Variants in ELAVL2 observed in about 807,000 individuals in gnomAD.
The protein encoded by ELAVL2 is ELAV-like protein 2.
ELAVL2 carries 4 observed loss-of-function variants against 34.6 expected under a neutral mutation model. That is an observed-to-expected ratio of 0.12 (90% confidence interval 0.06 to 0.26). The LOEUF is 0.26. Ranked by LOEUF, ELAVL2 falls within the 10% of genes least tolerant of loss-of-function variation. ELAVL2 has a pLI of 1.00. For synonymous variants in ELAVL2, 193 were observed against 154.8 expected (o/e 1.25, Z -1.83); for missense variants, 432 against 442.8 (o/e 0.98, Z 0.22).
At chr9:23,742,512 A>C (rs140120865) in intron 2 of ELAVL2, among the ~76,000 whole-genome samples, 24 of 152,304 alleles carry the variant, frequency 1.6e-4, no homozygotes, top group African/African-American at 5.3e-4. Flanking sequence ...TTAAGAAGGG[A>C]ATATTGGGTA....
At chr9:23,733,035 T>C (rs1368069596) in intron 2 of ELAVL2, among the ~76,000 whole-genome samples, 4 of 152,078 alleles carry the variant, frequency 2.6e-5, no homozygotes, top group Non-Finnish European at 5.9e-5. Context: ...ACTGCTATTC[T>C]ATGACAAAAT....
chr9:23,816,304 T>C (rs1021015548), intron 1 of ELAVL2, among the ~76,000 whole-genome samples: 5 of 41,386 alleles, frequency 1.2e-4, no homozygotes, highest in Non-Finnish European at 1.8e-4. Context: ...AAGTGTGTAC[T>C]AAAAGCTTTC....
intron 3 of ELAVL2, among the ~76,000 whole-genome samples, chr9:23,714,466 G>T (rs1332353331): frequency 1.3e-5 from 2 of 152,160 alleles, no homozygotes; most frequent in African/African-American, 4.8e-5. Context: ...TGGATGGAGG[G>T]AACATAAGGA....
intron 1 of ELAVL2, among the ~76,000 whole-genome samples, chr9:23,785,084 T>C (rs2059523055): frequency 6.6e-6 from 1 of 152,224 alleles, no homozygotes; most frequent in African/African-American, 2.4e-5. Context: ...ATGCCTTTCC[T>C]TGGCAAAACA....
intron 3 of ELAVL2, among the ~76,000 whole-genome samples, chr9:23,717,742 T>G (rs375993707): frequency 6.6e-6 from 1 of 152,192 alleles, no homozygotes; most frequent in Non-Finnish European, 1.5e-5. Context: ...TCATATAAAC[T>G]AAGTGCTGTC....
At position 23,797,764 on chromosome 9, in the gene ELAVL2, G is replaced by C. The variant is rs550415479; in HGVS notation, c.-16+28042C>G. Among the ~76,000 whole-genome samples, 4 of 152,134 alleles carry C rather than the reference G, an allele frequency of 2.6e-5. No homozygotes were observed. The South Asian group carries it at 6.2e-4, about 24-fold the overall frequency. ...CCAACATGGAGAAAACCCCGCCTCT[G>C]CTAAAAATACAAAATTAGGTGGGCG... On this transcript the variant is annotated intron_variant, in intron 1 of 6. Transcript: ENST00000397312.
chr9:23,697,140 A>G (rs2035546179), intron 5 of ELAVL2, among the ~76,000 whole-genome samples: 1 of 152,108 alleles, frequency 6.6e-6, no homozygotes, highest in Non-Finnish European at 1.5e-5. Flanking sequence ...GATATGGAGG[A>G]TTAGACTGGA....
At chr9:23,748,252 GCT>G (rs1564250124) in intron 2 of ELAVL2, among the ~76,000 whole-genome samples, 2 of 152,048 alleles carry the variant, frequency 1.3e-5, no homozygotes, top group African/African-American at 2.4e-5. Context: ...CTAACTCGTC[GCT>G]CTTTGACTCT....
Position 23,712,367 on chromosome 9 carries a change from A to C in ELAVL2, c.334-7296T>G, listed in dbSNP as rs569524840. Among the ~76,000 whole-genome samples, 7 of 152,296 alleles carry C rather than the reference A, an allele frequency of 4.6e-5. No homozygotes were observed. In the South Asian group the frequency reaches 1.5e-3, roughly 32 times the overall value. Reference sequence around the variant, plus strand: ...TCAGACATTTCCAAGGAGACATCAGAAGAGCTATTCCTAGAAAATAAGAAC... The same window carrying C: ...TCAGACATTTCCAAGGAGACATCAGCAGAGCTATTCCTAGAAAATAAGAAC... On this transcript the variant is annotated intron_variant, in intron 3 of 6. Coordinates refer to ENST00000397312, the MANE Select transcript of ELAVL2 (RefSeq NM_004432.5).
the ELAVL2 span, among the ~76,000 whole-genome samples, chr9:23,841,715 G>A: frequency 6.6e-6 from 1 of 152,074 alleles, no homozygotes. Context: ...GAATCACTAT[G>A]TATCTATGTA....
intron 5 of ELAVL2, among the ~76,000 whole-genome samples, chr9:23,701,050 G>C (rs748304738): frequency 6.6e-6 from 1 of 152,106 alleles, no homozygotes; most frequent in African/African-American, 2.4e-5. Flanking sequence ...CCGACCTCTA[G>C]CATTACATGC....
chr9:23,831,095 A>G (rs945543804), upstream of ELAVL2, among the ~76,000 whole-genome samples: 10 of 152,254 alleles, frequency 6.6e-5, no homozygotes, highest in Admixed American at 2.0e-4. Context: ...GATAGTAATC[A>G]GTCTTTTCTC....
At chr9:23,702,919 T>G (rs2037793378) in intron 4 of ELAVL2, among the ~76,000 whole-genome samples, 1 of 126,892 alleles carries the variant, frequency 7.9e-6, no homozygotes, top group Non-Finnish European at 1.6e-5. Context: ...CCTCTAGAAT[T>G]TAGCTGTTCC....
At chr9:23,823,973 G>A (rs777514170) in intron 1 of ELAVL2, among the ~76,000 whole-genome samples, 1 of 152,176 alleles carries the variant, frequency 6.6e-6, no homozygotes, top group Non-Finnish European at 1.5e-5. Context: ...ACGGCTGAAG[G>A]TTTAGAATCT....
chr9:23,843,562 A>G, the ELAVL2 span, among the ~76,000 whole-genome samples: 1 of 152,120 alleles, frequency 6.6e-6, no homozygotes, highest in African/African-American at 2.4e-5. Flanking sequence ...AATACAAAGG[A>G]AAGTGAAATT....
At chr9:23,723,671 G>A (rs2044328473) in intron 3 of ELAVL2, among the ~76,000 whole-genome samples, 1 of 151,906 alleles carries the variant, frequency 6.6e-6, no homozygotes, top group Admixed American at 6.6e-5. Flanking sequence ...ATTTGAACAT[G>A]TGGTTCAACT....
chr9:23,804,281 A>G (rs1054721271), intron 1 of ELAVL2, among the ~76,000 whole-genome samples: 1 of 151,350 alleles, frequency 6.6e-6, no homozygotes, highest in Non-Finnish European at 1.5e-5. Flanking sequence ...TCAAGCAATA[A>G]AAGACAGAAA....
At chr9:23,777,515 G>T (rs2058408547) in intron 1 of ELAVL2, among the ~76,000 whole-genome samples, 1 of 152,072 alleles carries the variant, frequency 6.6e-6, no homozygotes, top group Non-Finnish European at 1.5e-5. Flanking sequence ...TCCATCCTTT[G>T]TCAGGCTAAA....
chr9:23,701,239 G>C, intron 5 of ELAVL2, 140 bp downstream of exon 5: 1 of 870,656 alleles, frequency 1.1e-6, no homozygotes, highest in Admixed American at 2.4e-5. Flanking sequence ...TGTGCCCATG[G>C]AGATGAAAAA....
Sources: gnomAD v4.1 joint callset for allele counts (sites outside exome capture counted in the v4.1 genomes callset) on GRCh38, gnomAD v4.1.1 for gene constraint, MANE v1.5 for transcripts, NCBI Gene and HGNC (gene_info 2026-07-23, HGNC 2026-07-21) for gene names.